Variants in BAZ2B observed in about 807,000 individuals in gnomAD.
BAZ2B encodes the protein bromodomain adjacent to zinc finger domain 2B, also known as bromodomain adjacent to zinc finger domain protein 2B.
A neutral mutation model predicts 246.0 loss-of-function variants in BAZ2B; 91 were observed. The ratio of observed to expected loss-of-function variants is 0.37; its 90% CI spans 0.31 to 0.44. BAZ2B has a LOEUF of 0.44. Among genes scored for constraint, BAZ2B ranks in the 20% least tolerant of loss-of-function variants. The pLI is 1.00. For missense variants in BAZ2B, 2,332 were observed against 2,533.7 expected (o/e 0.92, Z 1.71); for synonymous variants, 855 against 860.0 (o/e 0.99, Z 0.10).
In BAZ2B at chr2:159,488,034, A is replaced by G. The variant is rs375657877; in HGVS notation, c.-2-9313T>C. ...GATCAGGATTACAGGCCACAGCCCA[A>G]TTGGATTTTTTTTTTAACACAAAGA... On this transcript the variant is annotated intron_variant, in intron 2 of 36. Transcript: ENST00000392783. Among the ~76,000 whole-genome samples the G allele has an allele frequency of 7.5e-4, 114 of 152,074 alleles. 1 individual carries two copies. The South Asian group carries it at 0.021, about 28-fold the overall frequency.
At chr2:159,491,517 G>A (rs941435757) in intron 2 of BAZ2B, among the ~76,000 whole-genome samples, 16 of 150,924 alleles carry the variant, frequency 1.1e-4, no homozygotes, top group Non-Finnish European at 1.9e-4. Flanking sequence ...TCAGGAGATC[G>A]AGACCATCCC....
the BAZ2B span, among the ~76,000 whole-genome samples, chr2:159,656,949 C>T: frequency 6.6e-6 from 1 of 152,012 alleles, no homozygotes; most frequent in Non-Finnish European, 1.5e-5. Context: ...TTTTTTCATT[C>T]TCTTAATGGT....
the BAZ2B span, among the ~76,000 whole-genome samples, chr2:159,655,092 T>C: frequency 5.3e-5 from 8 of 152,038 alleles, no homozygotes; most frequent in African/African-American, 1.4e-4. Context: ...GTGTAAGGAA[T>C]TGGCTAATGG....
At chr2:159,501,932 T>C (rs936774205) in intron 2 of BAZ2B, among the ~76,000 whole-genome samples, 1 of 152,188 alleles carries the variant, frequency 6.6e-6, no homozygotes, top group African/African-American at 2.4e-5. Flanking sequence ...CCCAAATGGC[T>C]ATCAACTGAT....
At chr2:159,612,717 A>G (rs1278045325) in intron 1 of BAZ2B, among the ~76,000 whole-genome samples, 1 of 152,164 alleles carries the variant, frequency 6.6e-6, no homozygotes, top group Non-Finnish European at 1.5e-5. Context: ...TTCTGTTTCA[A>G]TTCAATGACA....
intron 1 of BAZ2B, among the ~76,000 whole-genome samples, chr2:159,592,740 G>A (rs1436300204): frequency 6.6e-6 from 1 of 152,108 alleles, no homozygotes; most frequent in African/African-American, 2.4e-5. Context: ...AGCCCCAGTT[G>A]AGCCTTGCAA....
intron 3 of BAZ2B, among the ~76,000 whole-genome samples, chr2:159,476,197 C>A (rs2078524327): frequency 6.6e-6 from 1 of 152,088 alleles, no homozygotes; most frequent in Admixed American, 6.6e-5. Flanking sequence ...TATCTGTAAG[C>A]CCCTGACTGG....
the BAZ2B span, among the ~76,000 whole-genome samples, chr2:159,627,225 A>C: frequency 6.6e-6 from 1 of 152,080 alleles, no homozygotes; most frequent in African/African-American, 2.4e-5. Context: ...TCACAGCTGA[A>C]TTCTTCTACC....
the BAZ2B span, among the ~76,000 whole-genome samples, chr2:159,660,848 T>C: frequency 1.3e-5 from 2 of 152,132 alleles, no homozygotes; most frequent in Non-Finnish European, 2.9e-5. Context: ...TCCACCCACC[T>C]CGGCCTCCCA....
intron 2 of BAZ2B, among the ~76,000 whole-genome samples, chr2:159,504,449 C>T (rs1021530601): frequency 2.6e-4 from 39 of 152,174 alleles, no homozygotes; most frequent in South Asian, 2.1e-4. Context: ...AGCAATCCTC[C>T]TGCCTCAGCT....
chr2:159,657,976 G>A, the BAZ2B span, among the ~76,000 whole-genome samples: 1 of 152,124 alleles, frequency 6.6e-6, no homozygotes, highest in African/African-American at 2.4e-5. Flanking sequence ...CACCGAATGG[G>A]AGCGGTGAAA....
chr2:159,661,808 A>G, the BAZ2B span, among the ~76,000 whole-genome samples: 124 of 152,074 alleles, frequency 8.2e-4, no homozygotes, highest in African/African-American at 2.8e-3. Flanking sequence ...ACAAGGTCTC[A>G]GTATATTACT....
At chr2:159,476,370 A>G (rs1274223305) in intron 3 of BAZ2B, among the ~76,000 whole-genome samples, 3 of 152,220 alleles carry the variant, frequency 2.0e-5, no homozygotes, top group Non-Finnish European at 2.9e-5. Context: ...CTTTCATTCA[A>G]TGTAAGCATC....
chr2:159,559,172 G>T (rs34479616), intron 1 of BAZ2B, among the ~76,000 whole-genome samples: 1 of 152,026 alleles, frequency 6.6e-6, no homozygotes, highest in African/African-American at 2.4e-5. Flanking sequence ...TGAGCCCAAG[G>T]AGGTCAAGGC....
chr2:159,592,307 TTTTA>T (rs915130849), intron 1 of BAZ2B, among the ~76,000 whole-genome samples: 2 of 152,102 alleles, frequency 1.3e-5, no homozygotes, highest in Non-Finnish European at 2.9e-5. Context: ...GTATCATGAA[TTTTA>T]TTTATTTATT....
chr2:159,589,845 T>C lies in BAZ2B; in HGVS notation c.-46+26397A>G, dbSNP rs1276366308. On this transcript the variant is annotated intron_variant, in intron 1 of 36. Transcript: ENST00000392783. ...CATATAAGACAGGAGTCTAAAATAA[T>C]GTAGTCTAAGAAGAATTTCCCAAAC... is the stretch of plus-strand genomic sequence containing the variant. Among the ~76,000 whole-genome samples, 9 of 152,224 alleles carry C rather than the reference T, an allele frequency of 5.9e-5. No individual in the cohort carries two copies. The East Asian group carries it at 1.7e-3, about 29-fold the overall frequency.
chr2:159,376,801 A>G (rs990547844), intron 25 of BAZ2B, among the ~76,000 whole-genome samples: 3 of 152,186 alleles, frequency 2.0e-5, no homozygotes, highest in African/African-American at 7.2e-5. Flanking sequence ...AATGTCTCCT[A>G]AAGTTTTATT....
intron 14 of BAZ2B, among the ~76,000 whole-genome samples, chr2:159,405,347 G>T (rs2065755574): frequency 2.0e-5 from 3 of 152,128 alleles, no homozygotes; most frequent in Admixed American, 2.0e-4. Context: ...AAGTAGCTGG[G>T]ATTACAGGCG....
intron 31 of BAZ2B, among the ~76,000 whole-genome samples, chr2:159,341,233 GA>G (rs984990345): frequency 2.1e-5 from 3 of 139,938 alleles, no homozygotes; most frequent in African/African-American, 7.5e-5. Flanking sequence ...ACTTATGTCA[GA>G]TAAAAAAAAC....
Sources: allele counts gnomAD v4.1 joint callset (sites outside exome capture counted in the v4.1 genomes callset), GRCh38; gene constraint gnomAD v4.1.1; transcripts MANE v1.5; gene names NCBI Gene and HGNC (gene_info 2026-07-23, HGNC 2026-07-21).